Variants in NLRC5 observed in about 807,000 individuals in gnomAD.
NLRC5 encodes the protein protein NLRC5.
NLRC5 carries 114 observed loss-of-function variants against 206.9 expected under a neutral mutation model. The observed-to-expected ratio is 0.55, with a 90% CI of 0.47 to 0.64. The LOEUF (loss-of-function observed/expected upper bound fraction) is 0.64, where lower values mean the gene tolerates loss of function less well. Ranked by LOEUF, NLRC5 falls within the 30% of genes least tolerant of loss-of-function variation. The pLI is 0.00. For synonymous variants in NLRC5, 952 were observed against 962.8 expected (o/e 0.99, Z 0.21); for missense variants, 2,008 against 2,305.5 (o/e 0.87, Z 2.64).
rs374565974 is a variant in NLRC5 at position 57,033,712 on chromosome 16, TG to T, written c.2543+48del. ...ATTGCCTTAGGAGAGGGATATGATA[TG>T]GGGGAAAGTCCGAGGCAAGGGAGAG... On this transcript the variant is annotated intron_variant, in intron 12 of 48. Coordinates refer to ENST00000688547, the MANE Select transcript of NLRC5 (RefSeq NM_001384950.1). 1.1e-4 allele frequency: 172 copies of T among 1,576,678 alleles called. 1 individual carries two copies. In the South Asian group the frequency reaches 1.7e-3, roughly 16 times the overall value.
chr16:57,033,628 C>T lies in NLRC5; in HGVS notation c.2502C>T (p.Asp834=), dbSNP rs759105200. 1.3e-5 allele frequency: 21 copies of T among 1,614,062 alleles called. No individual in the cohort carries two copies. The highest frequency in any genetic ancestry group is 4.5e-5 in the East Asian group (2 of 44,870). The change falls in exon 12 of 49, where the codon GAC becomes GAT. Residue 834 remains aspartate (D), a synonymous_variant. Transcript: ENST00000688547. ...LQRAPDLQES[D]GQRKGAQSRS... is the part of the protein sequence containing the mutation. ...GAGCTCCAGACCTGCAGGAAAGTGA[C>T]GGCCAGAGGAAAGGGGCTCAGAGCA...
chr16:57,018,247 G>T (rs1411959833), intron 2 of NLRC5, among the ~76,000 whole-genome samples: 1 of 151,530 alleles, frequency 6.6e-6, no homozygotes, highest in South Asian at 2.1e-4. Context: ...TCCTTTTGCC[G>T]AGATCACACA....
chr16:57,030,120 C>T (rs1346516884), intron 10 of NLRC5, 36 bp downstream of exon 10: 9 of 1,562,120 alleles, frequency 5.8e-6, no homozygotes, highest in Non-Finnish European at 7.9e-6. Flanking sequence ...CCTTATGGGC[C>T]TTGAGAAAAG....
chr16:56,991,271 C>T (rs1286359191), intron 1 of NLRC5: 5 of 152,076 alleles, frequency 3.3e-5, no homozygotes, highest in African/African-American at 9.7e-5. Context: ...CAGAGCTGTC[C>T]GGGTGTCCAC....
At chr16:57,036,025 A>G in intron 13 of NLRC5, 75 bp from the exon 14 acceptor site, 1 of 1,387,032 alleles carries the variant, frequency 7.2e-7, no homozygotes, top group Admixed American at 1.7e-5. Context: ...TAAAGTTAGC[A>G]AAGGAGGAGT....
In NLRC5 at chr16:57,052,378, C is replaced by G. The variant is rs538726499; in HGVS notation, c.3506+757C>G. ...ATTCCAGCTACTTGGGAGGCTGAGG[C>G]AGGAGAATTGCTTGAACTTGGGAGG... On this transcript the variant is annotated intron_variant, in intron 24 of 48. Coordinates refer to ENST00000688547, the MANE Select transcript of NLRC5 (RefSeq NM_001384950.1). The G allele has an allele frequency of 2.1e-3, 314 of 151,696 alleles. 3 individuals are homozygous for G. Among genetic ancestry groups the G allele is most frequent in the South Asian group, 3.5e-3 (17 of 4,798 alleles). 9.4% of individuals were successfully genotyped at this position (151,696 alleles called of 1,614,324 possible).
At chr16:56,995,380 G>A (rs1477965853) in intron 1 of NLRC5, among the ~76,000 whole-genome samples, 6 of 152,204 alleles carry the variant, frequency 3.9e-5, no homozygotes, top group African/African-American at 9.6e-5. Context: ...CGTAAGCAAC[G>A]CCCTGGTGAA....
chr16:57,069,641 A>C (rs2067418215), intron 36 of NLRC5, 195 bp from the exon 37 acceptor site: 1 of 600,290 alleles, frequency 1.7e-6, no homozygotes, highest in African/African-American at 1.8e-5. Flanking sequence ...ATACTGAACT[A>C]GTCCATGCTT....
intron 8 of NLRC5, among the ~76,000 whole-genome samples, chr16:57,029,072 C>T (rs536500138): frequency 6.6e-6 from 1 of 152,268 alleles, no homozygotes; most frequent in South Asian, 2.1e-4. Context: ...AGGTTCAGCA[C>T]TTGTTGAGTG....
intron 1 of NLRC5, chr16:57,013,671 A>T (rs1377002373): frequency 3.4e-6 from 3 of 890,292 alleles, no homozygotes; most frequent in Non-Finnish European, 5.7e-6. Flanking sequence ...ATCTTGTATG[A>T]TGAACTCACT....
intron 8 of NLRC5, among the ~76,000 whole-genome samples, chr16:57,029,408 C>G (rs1346262685): frequency 1.3e-5 from 2 of 152,134 alleles, no homozygotes; most frequent in Non-Finnish European, 2.9e-5. Context: ...CTGCAGCGTC[C>G]CAGTCTAGAC....
chr16:57,035,885 C>T (rs966705548), intron 13 of NLRC5, among the ~76,000 whole-genome samples: 2 of 152,166 alleles, frequency 1.3e-5, no homozygotes, highest in Admixed American at 6.5e-5. Context: ...ACAGTGCCCA[C>T]GTCATCGGCA....
At position 57,027,036 on chromosome 16, in the gene NLRC5, A is replaced by T. The variant is rs750782766; in HGVS notation, c.2075+18A>T. ...AATCTCAGGTGAGTAAGAGTGGAGG[A>T]GGACCGGGGAGGGGATTGGGCTTTT... is the stretch of plus-strand genomic sequence containing the variant. On this transcript the variant is annotated intron_variant, in intron 6 of 48. Transcript: ENST00000688547. 6.2e-7 allele frequency: 1 copy of T among 1,603,024 alleles called. No individual in the cohort carries two copies. Among genetic ancestry groups the T allele is most frequent in the South Asian group, 1.1e-5 (1 of 90,166 alleles).
At chr16:57,018,080 G>A (rs1442220064) in intron 2 of NLRC5, among the ~76,000 whole-genome samples, 1 of 152,214 alleles carries the variant, frequency 6.6e-6, no homozygotes, top group Non-Finnish European at 1.5e-5. Flanking sequence ...GGCTGGAGGA[G>A]AAATTTGAGG....
chr16:57,010,056 G>A (rs1385269171), intron 1 of NLRC5, among the ~76,000 whole-genome samples: 1 of 152,148 alleles, frequency 6.6e-6, no homozygotes, highest in Non-Finnish European at 1.5e-5. Context: ...AGCCATCTTT[G>A]GGCTTGAGCT....
At chr16:57,081,859 G>A (rs1253786915) in intron 48 of NLRC5, among the ~76,000 whole-genome samples, 3 of 152,286 alleles carry the variant, frequency 2.0e-5, no homozygotes, top group Non-Finnish European at 4.4e-5. Flanking sequence ...TGTGAAATGG[G>A]GATACTGATA....
At position 57,076,837 on chromosome 16, in the gene NLRC5, C is replaced by T. The variant is rs140219606; in HGVS notation, c.4770C>T (p.Ile1590=). 1.7e-4 allele frequency: 269 copies of T among 1,614,128 alleles called. 5 individuals are homozygous for T. In the South Asian group the frequency reaches 2.2e-3, roughly 13 times the overall value. The part of the protein sequence containing the change: ...LQSLRLNRNS[I]GDVGCCHLSE... ...TTTCCAGACTGAACAGGAACAGTATCGGTGATGTCGGTTGCTGCCACCTTT... is the reference window on the plus strand; with the variant it reads ...TTTCCAGACTGAACAGGAACAGTATTGGTGATGTCGGTTGCTGCCACCTTT... Residue 1590 remains isoleucine (I), a synonymous_variant, in exon 40 of 49, where the codon ATC becomes ATT. Coordinates refer to ENST00000688547, the MANE Select transcript of NLRC5 (RefSeq NM_001384950.1).
intron 43 of NLRC5, among the ~76,000 whole-genome samples, chr16:57,078,795 C>T (rs1353263391): frequency 1.3e-5 from 2 of 152,126 alleles, no homozygotes; most frequent in Admixed American, 1.3e-4. Context: ...TATGTGCTCC[C>T]TTTTCCAGGC....
At position 57,041,493 on chromosome 16, in the gene NLRC5, A is replaced by G; in HGVS notation, c.2948A>G (p.His983Arg). The part of the protein sequence containing the change: ...PLSSRRMRLT[H>R]CGLQEKHLEQ... ...TTTTTGTCCCTGGGCAGGCTGACAC[A>G]TTGTGGCCTCCAAGAAAAGCACCTA... Residue 983 changes from histidine to arginine, a missense_variant, in exon 18 of 49, where the codon CAT becomes CGT. Physicochemically the swap from His to Arg is conservative, Grantham distance 29 (BLOSUM62 0). Coordinates refer to ENST00000688547, the MANE Select transcript of NLRC5 (RefSeq NM_001384950.1). The G allele has an allele frequency of 6.2e-7, 1 of 1,613,886 alleles. No homozygotes were observed. The highest frequency in any genetic ancestry group is 8.5e-7 in the Non-Finnish European group (1 of 1,179,932).
Sources: gnomAD v4.1 joint callset for allele counts (sites outside exome capture counted in the v4.1 genomes callset) on GRCh38, gnomAD v4.1.1 for gene constraint, MANE v1.5 for transcripts, NCBI Gene and HGNC (gene_info 2026-07-23, HGNC 2026-07-21) for gene names.